The following IL18R1 variants were observed in gnomAD, a reference collection of about 807,000 sequenced individuals.
The protein encoded by IL18R1 is interleukin-18 receptor 1.
A neutral mutation model predicts 48.5 loss-of-function variants in IL18R1; 40 were observed. That is an observed-to-expected ratio of 0.82 (90% CI 0.64 to 1.07). IL18R1 has a LOEUF of 1.07. IL18R1 is among the 50% of genes least tolerant of loss of function. The pLI is 0.00. For synonymous variants in IL18R1, 232 were observed against 225.9 expected (o/e 1.03, Z -0.24); for missense variants, 596 against 633.7 (o/e 0.94, Z 0.64).
chr2:102,388,286 G>C (rs1680358033), intron 8 of IL18R1, among the ~76,000 whole-genome samples: 1 of 152,150 alleles, frequency 6.6e-6, no homozygotes, highest in African/African-American at 2.4e-5. Flanking sequence ...ACAGGATCTG[G>C]GTGAAGTTCC....
chr2:102,387,325 A>G (rs1201691991), intron 8 of IL18R1, among the ~76,000 whole-genome samples: 1 of 152,204 alleles, frequency 6.6e-6, no homozygotes, highest in Non-Finnish European at 1.5e-5. Flanking sequence ...CACTGCACCC[A>G]GAGCAGCCAG....
chr2:102,357,603 G>T (rs1453398347), intron 1 of IL18R1, among the ~76,000 whole-genome samples: 1 of 152,210 alleles, frequency 6.6e-6, no homozygotes, highest in Non-Finnish European at 1.5e-5. Context: ...ATGGAGACGG[G>T]CTTGGACATA....
chr2:102,365,168 C>T (rs944719803), intron 2 of IL18R1, among the ~76,000 whole-genome samples: 5 of 152,136 alleles, frequency 3.3e-5, no homozygotes, highest in Non-Finnish European at 5.9e-5. Flanking sequence ...AGTCCAAAGT[C>T]TCATCTGAGA....
At position 102,390,100 on chromosome 2, in the gene IL18R1, A is replaced by C; in HGVS notation, c.994A>C (p.Ile332Leu). The change falls in exon 9 of 11, where the codon ATC becomes CTC. Residue 332 changes from isoleucine (I) to leucine (L), a missense_variant. Coordinates refer to ENST00000233957, the MANE Select transcript of IL18R1 (RefSeq NM_003855.5). The part of the protein sequence containing the change: ...IPGHVFTRGM[I>L]IAVLILVAVV... The stretch of plus-strand genomic sequence containing the variant: ...AGGCCACGTCTTCACAAGAGGAATG[A>C]TCATAGCTGTTTTGATCTTGGTGGC... The C allele has an allele frequency of 1.2e-6, 2 of 1,614,048 alleles. No homozygotes were observed. The highest frequency in any genetic ancestry group is 1.7e-6 in the Non-Finnish European group (2 of 1,180,000).
chr2:102,365,482 T>C (rs1021772260), intron 2 of IL18R1, among the ~76,000 whole-genome samples: 6 of 152,182 alleles, frequency 3.9e-5, no homozygotes, highest in African/African-American at 2.4e-5. Context: ...TCTTTCTTCC[T>C]GGTTTCTTTC....
At chr2:102,384,452 G>A (rs551338283) in intron 6 of IL18R1, among the ~76,000 whole-genome samples, 2 of 152,138 alleles carry the variant, frequency 1.3e-5, no homozygotes, top group Non-Finnish European at 2.9e-5. Flanking sequence ...CCCTAGAAAG[G>A]ATCCTTCTTA....
At position 102,376,079 on chromosome 2, in the gene IL18R1, G is replaced by C; in HGVS notation, c.625+16G>C. On this transcript the variant is annotated intron_variant, in intron 5 of 10. Coordinates refer to ENST00000233957, the MANE Select transcript of IL18R1 (RefSeq NM_003855.5). ...ATAGTGGAAGGTAAGGGAAATCTTA[G>C]AATTGGGAAGAAACAGACGTATTTT... 6.5e-7 allele frequency: 1 copy of C among 1,541,532 alleles called. No individual in the cohort carries two copies. Among genetic ancestry groups the C allele is most frequent in the Non-Finnish European group, 8.7e-7 (1 of 1,147,926 alleles).
intron 3 of IL18R1, among the ~76,000 whole-genome samples, chr2:102,371,051 G>A (rs370727007): frequency 5.4e-5 from 1 of 18,540 alleles, no homozygotes; most frequent in Non-Finnish European, 1.1e-4. Flanking sequence ...ACCTTTTTTT[G>A]TTGTTGTTGT....
chr2:102,392,517 C>T (rs746687288), intron 9 of IL18R1, among the ~76,000 whole-genome samples: 16 of 152,152 alleles, frequency 1.1e-4, no homozygotes, highest in South Asian at 2.1e-4. Context: ...CTCTAAATCA[C>T]TTCCATTAAA....
intron 2 of IL18R1, among the ~76,000 whole-genome samples, chr2:102,364,901 AACTC>A (rs1458831451): frequency 6.6e-6 from 1 of 152,172 alleles, no homozygotes; most frequent in Non-Finnish European, 1.5e-5. Context: ...ATCTTATGAG[AACTC>A]ACTCACTATC....
intron 2 of IL18R1, among the ~76,000 whole-genome samples, chr2:102,367,296 T>A (rs895776370): frequency 1.3e-5 from 2 of 152,184 alleles, no homozygotes; most frequent in African/African-American, 4.8e-5. Context: ...GTAAGTTACA[T>A]AGGCACACTT....
intron 4 of IL18R1, 104 bp from the exon 5 acceptor site, chr2:102,375,803 C>CT (rs1233374290): frequency 2.8e-5 from 20 of 719,562 alleles, no homozygotes; most frequent in African/African-American, 2.8e-4. Context: ...ACTTTCCATT[C>CT]TTTTTTCCTT....
chr2:102,383,721 G>A (rs1680049901), intron 6 of IL18R1, among the ~76,000 whole-genome samples: 1 of 151,830 alleles, frequency 6.6e-6, no homozygotes, highest in Non-Finnish European at 1.5e-5. Context: ...TTGAAATATG[G>A]TCAGTATGGT....
Position 102,384,985 on chromosome 2 carries a change from G to T in IL18R1, c.796G>T (p.Glu266Ter), listed in dbSNP as rs758653418. The change falls in exon 7 of 11, where the codon GAA becomes TAA. Residue 266 changes from glutamate (E) to a stop codon, truncating the protein, a stop_gained. Transcript: ENST00000233957. LOFTEE classifies it high-confidence loss of function. ...GGATCCTAATATACATGAAGAGAAAGAAATGAGAATTATGTATGTATGTGT... is the reference window on the plus strand; with the variant it reads ...GGATCCTAATATACATGAAGAGAAATAAATGAGAATTATGTATGTATGTGT... ...GSDPNIHEEK[E>*]MRIMTPEGKW... 1 of 1,569,370 alleles carries T rather than the reference G, an allele frequency of 6.4e-7. No homozygotes were observed. The highest frequency in any genetic ancestry group is 8.8e-7 in the Non-Finnish European group (1 of 1,140,978).
chr2:102,383,652 C>T lies in IL18R1; in HGVS notation c.689-1226C>T, dbSNP rs533589651. Among the ~76,000 whole-genome samples, 33 of 152,156 alleles carry T rather than the reference C, an allele frequency of 2.2e-4. No homozygotes were observed. In the South Asian group the frequency reaches 3.5e-3, roughly 16 times the overall value. ...TTTTTAAACATCCCTTTACTACTAA[C>T]ATTTTTTTTTGTTCTATACATAAGT... On this transcript the variant is annotated intron_variant, in intron 6 of 10. Coordinates refer to ENST00000233957, the MANE Select transcript of IL18R1 (RefSeq NM_003855.5).
chr2:102,394,617 G>T lies in IL18R1; in HGVS notation c.1260G>T (p.Val420=). 6.2e-7 allele frequency: 1 copy of T among 1,604,510 alleles called. No homozygotes were observed. The highest frequency in any genetic ancestry group is 1.3e-5 in the African/African-American group (1 of 74,686). ...YKLCIFERDV[V]PGGAVVDEIH... Reference sequence around the variant, plus strand: ...TATGCATATTTGAAAGGGATGTAGTGCCTGGAGGAGGTAAGAGGGAATGCC... The same window carrying T: ...TATGCATATTTGAAAGGGATGTAGTTCCTGGAGGAGGTAAGAGGGAATGCC... Residue 420 remains valine (V), a synonymous_variant, in exon 10 of 11, where the codon GTG becomes GTT. Transcript: ENST00000233957.
At position 102,396,903 on chromosome 2, in the gene IL18R1, A is replaced by G. The variant is rs1387746709; in HGVS notation, c.*17A>G. 2.7e-6 allele frequency: 4 copies of G among 1,487,858 alleles called. No individual in the cohort carries two copies. Among genetic ancestry groups the G allele is most frequent in the Non-Finnish European group, 3.7e-6 (4 of 1,095,132 alleles). The allele number at this position is 1,487,858 out of a possible 1,614,324, so 92.2% of individuals were successfully genotyped here. On this transcript the variant is annotated 3_prime_UTR_variant, in exon 11 of 11. Coordinates refer to ENST00000233957, the MANE Select transcript of IL18R1 (RefSeq NM_003855.5). ...GAGTCTTAATCTTCAGAAACAGTGAACGCCAAAAAGAACTCAAGATATTCT... is the reference window on the plus strand; with the variant it reads ...GAGTCTTAATCTTCAGAAACAGTGAGCGCCAAAAAGAACTCAAGATATTCT...
intron 6 of IL18R1, 51 bp downstream of exon 6, chr2:102,381,733 G>C (rs766105780): frequency 1.7e-6 from 2 of 1,201,548 alleles, no homozygotes; most frequent in South Asian, 2.5e-5. Flanking sequence ...GGACATAATA[G>C]AGCCTTCCAA....
At chr2:102,390,440 C>G (rs1680496466) in intron 9 of IL18R1, among the ~76,000 whole-genome samples, 1 of 152,072 alleles carries the variant, frequency 6.6e-6, no homozygotes, top group African/African-American at 2.4e-5. Context: ...CTGATTGTCT[C>G]GTGTATGTAT....
Sources: gnomAD v4.1 joint callset for allele counts (sites outside exome capture counted in the v4.1 genomes callset) on GRCh38, gnomAD v4.1.1 for gene constraint, MANE v1.5 for transcripts, NCBI Gene and HGNC (gene_info 2026-07-23, HGNC 2026-07-21) for gene names.